FMN1: variants seen among roughly 807,000 people sequenced by gnomAD.
The protein encoded by FMN1 is formin-1.
FMN1 carries 110 observed loss-of-function variants against 132.4 expected under a neutral mutation model. That is an observed-to-expected ratio of 0.83 (90% CI 0.71 to 0.97). The LOEUF is 0.97. Ranked by LOEUF, FMN1 falls within the 50% of genes least tolerant of loss-of-function variation. FMN1 has a pLI of 0.00. For synonymous variants in FMN1, 722 were observed against 651.7 expected (o/e 1.11, Z -1.64); for missense variants, 1,792 against 1,705.3 (o/e 1.05, Z -0.90).
chr15:32,965,817 T>C (rs555228306), intron 8 of FMN1, among the ~76,000 whole-genome samples: 24 of 152,334 alleles, frequency 1.6e-4, no homozygotes, highest in Non-Finnish European at 3.2e-4. Flanking sequence ...AACAATAGAA[T>C]GAACACCTGG....
chr15:32,859,129 T>C (rs1328290079), intron 16 of FMN1, among the ~76,000 whole-genome samples: 1 of 152,162 alleles, frequency 6.6e-6, no homozygotes, highest in Non-Finnish European at 1.5e-5. Flanking sequence ...GGAAGTATCT[T>C]GTTGGATTAT....
At chr15:32,892,329 C>T (rs2060051395) in intron 15 of FMN1, among the ~76,000 whole-genome samples, 1 of 152,104 alleles carries the variant, frequency 6.6e-6, no homozygotes, top group Admixed American at 6.5e-5. Flanking sequence ...GATTTCTGTT[C>T]TTAATTCTGT....
At chr15:33,012,032 G>T in intron 6 of FMN1, 1 of 294,740 alleles carries the variant, frequency 3.4e-6, no homozygotes, top group South Asian at 4.2e-5. Context: ...CTAACCTTAG[G>T]CATACATAAG....
intron 9 of FMN1, among the ~76,000 whole-genome samples, chr15:32,939,368 A>AG (rs1166658158): frequency 6.6e-6 from 1 of 152,242 alleles, no homozygotes; most frequent in African/African-American, 2.4e-5. Flanking sequence ...GAAAATATTA[A>AG]GGGGAAAAAA....
At position 32,793,298 on chromosome 15, in the gene FMN1, T is replaced by TA. The variant is rs2057157720; in HGVS notation, c.4130+5505dup. Among the ~76,000 whole-genome samples the TA allele has an allele frequency of 2.0e-5, 3 of 152,076 alleles. No individual in the cohort carries two copies. The South Asian group carries it at 6.2e-4, about 32-fold the overall frequency. ...TTCTTTTTTTCTTTTCTTTTTTTTT[T>TA]AAAGACAGTCTCACTCTGTTGCCCA... On this transcript the variant is annotated intron_variant, in intron 19 of 20. Coordinates refer to ENST00000616417, the MANE Select transcript of FMN1 (RefSeq NM_001277313.2).
intron 7 of FMN1, among the ~76,000 whole-genome samples, chr15:32,995,686 G>C (rs564280355): frequency 6.6e-6 from 1 of 152,162 alleles, no homozygotes; most frequent in Non-Finnish European, 1.5e-5. Flanking sequence ...TCATGAGAGA[G>C]ATAAAGTGTA....
chr15:32,910,610 A>G, intron 10 of FMN1, 75 bp from the exon 11 acceptor site: 2 of 1,092,168 alleles, frequency 1.8e-6, no homozygotes, highest in South Asian at 1.3e-5. Context: ...CTCCACATCC[A>G]GCTTCCAAGC....
intron 4 of FMN1, among the ~76,000 whole-genome samples, chr15:33,128,076 G>A (rs1004331984): frequency 2.0e-5 from 3 of 152,126 alleles, no homozygotes; most frequent in South Asian, 2.1e-4. Flanking sequence ...AAAAAGATGG[G>A]AGAAGAAAAC....
intron 13 of FMN1, 139 bp from the exon 14 acceptor site, chr15:32,900,264 A>C (rs1253756067): frequency 1.2e-6 from 1 of 867,300 alleles, no homozygotes; most frequent in South Asian, 1.4e-5. Context: ...TGAAATGAAA[A>C]ACACACTTTA....
At chr15:32,881,293 TAGTA>T (rs2059764190) in intron 16 of FMN1, among the ~76,000 whole-genome samples, 1 of 152,212 alleles carries the variant, frequency 6.6e-6, no homozygotes, top group Non-Finnish European at 1.5e-5. Context: ...GTAAGTCTTA[TAGTA>T]AAAGTTGGAT....
chr15:33,019,924 C>T (rs963614213), intron 6 of FMN1, among the ~76,000 whole-genome samples: 5 of 152,210 alleles, frequency 3.3e-5, no homozygotes, highest in South Asian at 2.1e-4. Context: ...AGGGCTCCCA[C>T]GGGTGCAGTG....
chr15:33,001,775 G>T (rs1287557499), intron 7 of FMN1, among the ~76,000 whole-genome samples: 1 of 148,352 alleles, frequency 6.7e-6, no homozygotes, highest in African/African-American at 2.5e-5. Flanking sequence ...GCTGGACTGC[G>T]GTGGTGCGCG....
intron 5 of FMN1, among the ~76,000 whole-genome samples, chr15:33,082,038 TG>T (rs1566899295): frequency 4.8e-5 from 7 of 145,800 alleles, no homozygotes; most frequent in Admixed American, 4.1e-4. Context: ...TGTGTGTGTG[TG>T]TGTGTGTGTG....
intron 5 of FMN1, among the ~76,000 whole-genome samples, chr15:33,088,523 G>A (rs900675556): frequency 1.3e-5 from 2 of 152,160 alleles, no homozygotes; most frequent in African/African-American, 4.8e-5. Context: ...CACAATGAGA[G>A]ATCTAGGCTG....
intron 7 of FMN1, among the ~76,000 whole-genome samples, chr15:32,981,760 T>C (rs944272649): frequency 6.6e-6 from 1 of 152,064 alleles, no homozygotes. Flanking sequence ...ATTTAGGATA[T>C]GTTACTTAGC....
chr15:33,044,574 C>T (rs960619882), intron 6 of FMN1, among the ~76,000 whole-genome samples: 2 of 152,154 alleles, frequency 1.3e-5, no homozygotes, highest in African/African-American at 4.8e-5. Flanking sequence ...GGATGACCTG[C>T]CTGCGGAGAG....
At chr15:32,913,639 C>G (rs2060616014) in intron 10 of FMN1, among the ~76,000 whole-genome samples, 2 of 152,166 alleles carry the variant, frequency 1.3e-5, no homozygotes, top group African/African-American at 4.8e-5. Context: ...CAATCTTTTC[C>G]TCTGCCATGG....
intron 4 of FMN1, among the ~76,000 whole-genome samples, chr15:33,126,748 G>C (rs564120468): frequency 4.6e-5 from 7 of 151,932 alleles, no homozygotes; most frequent in Non-Finnish European, 1.0e-4. Flanking sequence ...AGAAACTCGG[G>C]AAAGGAGGGA....
intron 4 of FMN1, among the ~76,000 whole-genome samples, chr15:33,148,271 C>T (rs1964306000): frequency 6.6e-6 from 1 of 152,172 alleles, no homozygotes. Context: ...ACTTCCTTAT[C>T]ACCTACCTTC....
Sources: allele counts gnomAD v4.1 joint callset (sites outside exome capture counted in the v4.1 genomes callset), GRCh38; gene constraint gnomAD v4.1.1; transcripts MANE v1.5; gene names NCBI Gene and HGNC (gene_info 2026-07-23, HGNC 2026-07-21).